Variants in HYDIN observed in about 807,000 individuals in gnomAD.
HYDIN encodes the protein HYDIN axonemal central pair apparatus protein, also known as axonemal central pair apparatus protein HYDIN.
In HYDIN, 132 loss-of-function variants were observed where a neutral mutation model predicts 403.9. The ratio of observed to expected loss-of-function variants is 0.33; its 90% confidence interval spans 0.28 to 0.38. The LOEUF (loss-of-function observed/expected upper bound fraction) is 0.38, where lower values mean the gene tolerates loss of function less well. Among genes scored for constraint, HYDIN ranks in the 10% least tolerant of loss-of-function variants. The pLI is 1.00. For synonymous variants in HYDIN, 1,202 were observed against 1,891.7 expected (o/e 0.64, Z 9.46); for missense variants, 2,827 against 5,009.5 (o/e 0.56, Z 13.15).
chr16:71,084,568 T>C (rs1024876316), intron 12 of HYDIN, among the ~76,000 whole-genome samples: 4 of 149,110 alleles, frequency 2.7e-5, no homozygotes, highest in Non-Finnish European at 5.9e-5. Flanking sequence ...TTTGTATTTT[T>C]AGTAGAGACA....
chr16:70,942,133 T>C (rs968132024), intron 42 of HYDIN, among the ~76,000 whole-genome samples: 11 of 148,276 alleles, frequency 7.4e-5, no homozygotes, highest in African/African-American at 2.5e-4. Flanking sequence ...CAGGTGATTC[T>C]CCTGCCTCAG....
chr16:70,883,170 C>T (rs1263913986), intron 59 of HYDIN, among the ~76,000 whole-genome samples: 3 of 152,050 alleles, frequency 2.0e-5, no homozygotes, highest in African/African-American at 7.2e-5. Flanking sequence ...AACTGGCCCA[C>T]TATGCTTCAA....
In HYDIN at chr16:71,194,385, C is replaced by T. The variant is rs937630778; in HGVS notation, c.-23-7467G>A. Among the ~76,000 whole-genome samples the T allele has an allele frequency of 7.9e-5, 12 of 152,078 alleles. No homozygotes were observed. In the South Asian group the frequency reaches 2.5e-3, roughly 32 times the overall value. On this transcript the variant is annotated intron_variant, in intron 1 of 85. Transcript: ENST00000393567. ...AAGATCGCACCACTGCACTCCAGCC[C>T]AGCAACAGAGTGAGACTCCGTCCCA... is the stretch of plus-strand genomic sequence containing the variant.
intron 23 of HYDIN, among the ~76,000 whole-genome samples, chr16:71,017,858 C>T (rs2080317181): frequency 1.3e-5 from 2 of 152,252 alleles, no homozygotes; most frequent in Non-Finnish European, 2.9e-5. Context: ...GGTCTTATCA[C>T]TAGACTCAAA....
intron 9 of HYDIN, among the ~76,000 whole-genome samples, chr16:71,125,377 T>C (rs2084414808): frequency 1.3e-5 from 2 of 152,216 alleles, no homozygotes; most frequent in Non-Finnish European, 2.9e-5. Flanking sequence ...TCGTCATCAT[T>C]TATTGATTTA....
chr16:70,888,291 T>A (rs1353390376), intron 58 of HYDIN, among the ~76,000 whole-genome samples: 42 of 152,260 alleles, frequency 2.8e-4, no homozygotes, highest in African/African-American at 8.9e-4. Flanking sequence ...AACCTGGACA[T>A]TTTGGGTGTT....
chr16:71,113,990 T>G (rs1210366527), intron 10 of HYDIN: 1 of 150,338 alleles, frequency 6.7e-6, no homozygotes, highest in Non-Finnish European at 1.5e-5. Flanking sequence ...TAGATCCAAT[T>G]TAGGTATCTT....
chr16:71,151,578 C>T (rs1292795613), intron 7 of HYDIN, among the ~76,000 whole-genome samples: 3 of 152,142 alleles, frequency 2.0e-5, no homozygotes, highest in African/African-American at 7.2e-5. Context: ...TCTGACTCCA[C>T]ATCATTTCTG....
chr16:70,824,042 T>C (rs1400301950), intron 83 of HYDIN, among the ~76,000 whole-genome samples: 1 of 151,586 alleles, frequency 6.6e-6, no homozygotes, highest in Non-Finnish European at 1.5e-5. Context: ...GCCTCAGAGA[T>C]TTTGTTGAGT....
chr16:71,030,001 A>G (rs2080846676), intron 19 of HYDIN, among the ~76,000 whole-genome samples: 1 of 152,184 alleles, frequency 6.6e-6, no homozygotes, highest in Admixed American at 6.5e-5. Context: ...TGAGGAATCA[A>G]GAATCCCCAC....
intron 84 of HYDIN, among the ~76,000 whole-genome samples, chr16:70,813,590 T>G (rs575048382): frequency 1.3e-5 from 2 of 152,310 alleles, no homozygotes; most frequent in Middle Eastern, 6.8e-3. Context: ...TCTGTTGTTT[T>G]AAGTTGCTAA....
At chr16:70,882,364 C>T (rs1234757035) in intron 60 of HYDIN, among the ~76,000 whole-genome samples, 2 of 152,130 alleles carry the variant, frequency 1.3e-5, no homozygotes, top group African/African-American at 2.4e-5. Flanking sequence ...CTGGCACTCA[C>T]CTTAGCCTCT....
At chr16:71,102,495 G>A (rs1482843157) in intron 10 of HYDIN, among the ~76,000 whole-genome samples, 1 of 151,740 alleles carries the variant, frequency 6.6e-6, no homozygotes. Flanking sequence ...ATAATATGAT[G>A]TAAGTTGTTT....
intron 80 of HYDIN, 91 bp from the exon 81 acceptor site, chr16:70,829,921 G>C (rs1325621843): frequency 8.8e-7 from 1 of 1,132,504 alleles, no homozygotes; most frequent in East Asian, 2.5e-5. Flanking sequence ...GGGGAAGACT[G>C]ACTTTGACAG....
rs370320329 is a variant in HYDIN, at chr16:70,943,839, G to A, written c.6642C>T (p.Leu2214=). The change falls in exon 42 of 86, where the codon CTC becomes CTT. Residue 2214 remains leucine, a synonymous_variant. Coordinates refer to ENST00000393567, the MANE Select transcript of HYDIN (RefSeq NM_001270974.2). ...GTATCCGCTCTGCCAGGATCTGCAC[G>A]AGAAGTTCATCCGGGAGCACACAGC... The part of the protein sequence containing the change: ...LMSCVLPDEL[L]VQILAERIQL... 5.7e-5 allele frequency: 92 copies of A among 1,613,356 alleles called. No individual in the cohort carries two copies. In the East Asian group the frequency reaches 8.7e-4, roughly 15 times the overall value.
chr16:70,984,577 G>A lies in HYDIN; in HGVS notation c.4332+608C>T, dbSNP rs561445262. Among the ~76,000 whole-genome samples the A allele has an allele frequency of 2.0e-4, 30 of 151,138 alleles. 1 individual carries two copies. The highest frequency in any genetic ancestry group is 3.4e-3 in the Middle Eastern group (1 of 292). ...AGAGACCAGCAGTAAACCCAAATATGTGAGATGATTTAGGGGAAGAACAGA... is the reference window on the plus strand; with the variant it reads ...AGAGACCAGCAGTAAACCCAAATATATGAGATGATTTAGGGGAAGAACAGA... On this transcript the variant is annotated intron_variant, in intron 28 of 85. Coordinates refer to ENST00000393567, the MANE Select transcript of HYDIN (RefSeq NM_001270974.2).
chr16:71,081,734 T>C (rs1295945101), intron 12 of HYDIN, among the ~76,000 whole-genome samples: 1 of 150,066 alleles, frequency 6.7e-6, no homozygotes, highest in Non-Finnish European at 1.5e-5. Context: ...TAGGACAATC[T>C]ATGCCAAGGC....
rs139696738 is a variant in HYDIN, at chr16:71,226,376, G to C, written c.-24+4186C>G. On this transcript the variant is annotated intron_variant, in intron 1 of 85. Transcript: ENST00000393567. ...TTAACAAATGGGGTTGGAACATTCA[G>C]CCTTATGAAAAAAAAACACCTCAAC... Among the ~76,000 whole-genome samples, 29 of 151,870 alleles carry C rather than the reference G, an allele frequency of 1.9e-4. 1 individual carries two copies. The East Asian group carries it at 2.1e-3, about 11-fold the overall frequency.
intron 18 of HYDIN, among the ~76,000 whole-genome samples, chr16:71,056,581 C>T (rs951848244): frequency 2.6e-5 from 4 of 152,096 alleles, no homozygotes. Context: ...TGGTGCTGTG[C>T]TGTGTGGCCG....
Sources: allele counts gnomAD v4.1 joint callset (sites outside exome capture counted in the v4.1 genomes callset), GRCh38; gene constraint gnomAD v4.1.1; transcripts MANE v1.5; gene names NCBI Gene and HGNC (gene_info 2026-07-23, HGNC 2026-07-21).